TARS3: variants seen among roughly 807,000 people sequenced by gnomAD.
TARS3 encodes threonine--tRNA ligase 2, cytoplasmic.
Under a neutral mutation model 103.5 loss-of-function variants are expected in TARS3, and 94 were observed. The observed-to-expected ratio is 0.91, with a 90% CI of 0.77 to 1.08. TARS3 has a LOEUF of 1.08. Ranked by LOEUF, TARS3 falls within the 50% of genes least tolerant of loss-of-function variation. The pLI is 0.00. For missense variants in TARS3, 952 were observed against 995.2 expected, an observed-to-expected ratio of 0.96 and a Z score of 0.58; for synonymous variants, 416 against 355.4, an observed-to-expected ratio of 1.17 and a Z score of -1.92.
intron 5 of TARS3, among the ~76,000 whole-genome samples, chr15:101,711,509 G>A (rs895099952): frequency 2.2e-4 from 34 of 152,192 alleles, no homozygotes; most frequent in Non-Finnish European, 4.6e-4. Flanking sequence ...TCAACGTGAA[G>A]ATGAAGAGCT....
intron 12 of TARS3, among the ~76,000 whole-genome samples, chr15:101,678,050 G>C (rs1205151977): frequency 6.7e-6 from 1 of 148,770 alleles, no homozygotes; most frequent in Non-Finnish European, 1.5e-5. Flanking sequence ...GCATGATCTC[G>C]GCTCACTGCA....
At chr15:101,700,022 G>A (rs1309323404) in intron 10 of TARS3, among the ~76,000 whole-genome samples, 1 of 151,852 alleles carries the variant, frequency 6.6e-6, no homozygotes, top group Non-Finnish European at 1.5e-5. Context: ...TTCTGGAGTA[G>A]GACCAAATTT....
chr15:101,714,986 G>A, intron 3 of TARS3, 23 bp from the exon 4 acceptor site: 3 of 1,596,376 alleles, frequency 1.9e-6, no homozygotes, highest in Non-Finnish European at 1.7e-6. Context: ...AAGCCACTTG[G>A]GAGTTAACTT....
intron 10 of TARS3, among the ~76,000 whole-genome samples, chr15:101,699,775 C>T (rs1409707167): frequency 6.6e-6 from 1 of 152,148 alleles, no homozygotes; most frequent in Non-Finnish European, 1.5e-5. Context: ...AGACGGAGAA[C>T]AAGACTGGAG....
intron 4 of TARS3, among the ~76,000 whole-genome samples, chr15:101,713,958 G>T (rs1261915292): frequency 6.6e-6 from 1 of 152,070 alleles, no homozygotes; most frequent in Non-Finnish European, 1.5e-5. Context: ...TTATAATATG[G>T]TTCTTATAGT....
At chr15:101,675,503 C>A in intron 13 of TARS3, 97 bp downstream of exon 13, 1 of 1,247,014 alleles carries the variant, frequency 8.0e-7, no homozygotes, top group Non-Finnish European at 1.1e-6. Flanking sequence ...TTCAAAATTT[C>A]TATTACAAAT....
chr15:101,673,066 T>C (rs1298752016), intron 13 of TARS3, among the ~76,000 whole-genome samples: 1 of 152,138 alleles, frequency 6.6e-6, no homozygotes, highest in Non-Finnish European at 1.5e-5. Context: ...TGAAGATGTG[T>C]CTCTTTCAAA....
At chr15:101,709,031 CAG>C in intron 5 of TARS3, 121 bp from the exon 6 acceptor site, 1 of 663,918 alleles carries the variant, frequency 1.5e-6, no homozygotes, top group South Asian at 2.0e-5. Context: ...TCCAGGACTT[CAG>C]AAAGTCAAAC....
Position 101,724,278 on chromosome 15 carries a change from A to T in TARS3, c.110T>A (p.Leu37Gln). 6.4e-7 allele frequency: 1 copy of T among 1,573,322 alleles called. No homozygotes were observed. The highest frequency in any genetic ancestry group is 1.4e-5 in the African/African-American group (1 of 72,002). The change falls in exon 1 of 19, where the codon CTG becomes CAG. Residue 37 changes from leucine to glutamine, a missense_variant. Physicochemically the swap from Leu to Gln is moderately radical, Grantham distance 113 (BLOSUM62 -2). Around this residue, in one of 2 missense-constraint regions of TARS3, gnomAD observed 412 missense variants for 364.2 expected, o/e 1.13. Transcript: ENST00000335968. ...CGCCTGGCAGCTGTAGGGCGCGTTCAGCTGCTCGTCCCTCAGGCGCTCGAC... is the reference window on the plus strand; with the variant it reads ...CGCCTGGCAGCTGTAGGGCGCGTTCTGCTGCTCGTCCCTCAGGCGCTCGAC... Reference protein sequence around the residue: ...SEVERLRDEQLNAPYSCQAEG... With the variant: ...SEVERLRDEQQNAPYSCQAEG...
intron 3 of TARS3, 58 bp downstream of exon 3, chr15:101,721,068 T>C: frequency 6.9e-7 from 1 of 1,457,362 alleles, no homozygotes; most frequent in Non-Finnish European, 9.4e-7. Context: ...GAAAACATTT[T>C]CACCAGGCTT....
At chr15:101,715,869 T>G (rs965511160) in intron 3 of TARS3, among the ~76,000 whole-genome samples, 2 of 152,256 alleles carry the variant, frequency 1.3e-5, no homozygotes, top group African/African-American at 4.8e-5. Context: ...GACAGATTTC[T>G]GATGTCAATT....
At chr15:101,683,830 A>G (rs1316057677) in intron 12 of TARS3, among the ~76,000 whole-genome samples, 2 of 152,242 alleles carry the variant, frequency 1.3e-5, no homozygotes, top group African/African-American at 4.8e-5. Context: ...GAATTCCACC[A>G]AATCCCTTAA....
chr15:101,704,084 T>G, intron 7 of TARS3, 147 bp from the exon 8 acceptor site: 1 of 537,518 alleles, frequency 1.9e-6, no homozygotes, highest in East Asian at 3.2e-5. Context: ...AGGAGAGAGG[T>G]GATTCATCTA....
Position 101,708,814 on chromosome 15 carries a change from T to G in TARS3, c.909A>C (p.Glu303Asp). The G allele has an allele frequency of 6.2e-7, 1 of 1,612,956 alleles. No homozygotes were observed. The highest frequency in any genetic ancestry group is 8.5e-7 in the Non-Finnish European group (1 of 1,178,960). ...TTACCTTAAACATTTCCAGGAGGAT[T>G]TCCTTGCTGACTTCTAGTCTTTCAA... ...QPFERLEVSK[E>D]ILLEMFKYNK... Residue 303 changes from glutamate (E) to aspartate (D), a missense_variant, in exon 6 of 19, where the codon GAA becomes GAC. By Grantham distance (45) the Glu-to-Asp change is conservative (BLOSUM62 2). This residue lies in a region of TARS3 where 540 missense variants were observed against 631.0 expected (regional missense o/e 0.86). Transcript: ENST00000335968.
chr15:101,660,885 T>C (rs1897349937), intron 16 of TARS3, among the ~76,000 whole-genome samples: 1 of 152,210 alleles, frequency 6.6e-6, no homozygotes. Flanking sequence ...TACTGAAAAA[T>C]TCCTCAACAG....
chr15:101,664,896 A>C (rs540709408), intron 15 of TARS3, among the ~76,000 whole-genome samples: 2 of 151,772 alleles, frequency 1.3e-5, no homozygotes, highest in Non-Finnish European at 2.9e-5. Context: ...GAAAGACCAA[A>C]GTCTCAGGAA....
At position 101,675,702 on chromosome 15, in the gene TARS3, C is replaced by T; in HGVS notation, c.1686G>A (p.Leu562=). Residue 562 remains leucine (L), a synonymous_variant, in exon 13 of 19, where the codon TTG becomes TTA. Coordinates refer to ENST00000335968, the MANE Select transcript of TARS3 (RefSeq NM_152334.3). ...AGCCAAATGTTGAGTAAACAGATTGCAAAAACTGCAAACACCCCTTTATTT... is the reference window on the plus strand; with the variant it reads ...AGCCAAATGTTGAGTAAACAGATTGTAAAAACTGCAAACACCCCTTTATTT... ...EEEIKGCLQF[L]QSVYSTFGFS... is the part of the protein sequence containing the mutation. The T allele has an allele frequency of 6.2e-7, 1 of 1,613,568 alleles. No homozygotes were observed.
At chr15:101,654,784 T>G (rs984066922) in intron 18 of TARS3, 54 bp from the exon 19 acceptor site, 7 of 1,542,450 alleles carry the variant, frequency 4.5e-6, no homozygotes, top group Admixed American at 1.8e-5. Flanking sequence ...TTACCAAACA[T>G]TAAGTCAGCA....
At chr15:101,713,725 A>C (rs1313521781) in intron 4 of TARS3, among the ~76,000 whole-genome samples, 1 of 152,220 alleles carries the variant, frequency 6.6e-6, no homozygotes, top group Non-Finnish European at 1.5e-5. Flanking sequence ...GTTAAAATCG[A>C]AAATTTCATG....
Sources: allele counts gnomAD v4.1 joint callset (sites outside exome capture counted in the v4.1 genomes callset), GRCh38; gene constraint gnomAD v4.1.1; regional missense constraint gnomAD v4.1.1; transcripts MANE v1.5; gene names NCBI Gene and HGNC (gene_info 2026-07-23, HGNC 2026-07-21).